CADM2: variants seen among roughly 807,000 people sequenced by gnomAD.
The protein encoded by CADM2 is immunoglobulin superfamily member 4D.
CADM2 carries 12 observed loss-of-function variants against 49.8 expected under a neutral mutation model. The observed-to-expected ratio is 0.24, with a 90% confidence interval of 0.15 to 0.39. The LOEUF (loss-of-function observed/expected upper bound fraction) is 0.39, where lower values mean the gene tolerates loss of function less well. Among genes scored for constraint, CADM2 ranks in the 10% least tolerant of loss-of-function variants. The pLI, the probability that CADM2 is intolerant of heterozygous loss-of-function variation, is 1.00. For synonymous variants in CADM2, 214 were observed against 175.4 expected (o/e 1.22, Z -1.74); for missense variants, 378 against 492.3 (o/e 0.77, Z 2.20).
intron 1 of CADM2, among the ~76,000 whole-genome samples, chr3:85,709,107 A>C (rs73845624): frequency 0.15 from 23,254 of 152,008 alleles, 1,944 homozygotes; most frequent in African/African-American, 0.2. Flanking sequence ...TAGGTCCCCA[A>C]ATAACTCAGA....
At chr3:85,549,695 C>G (rs1446298650) in intron 1 of CADM2, among the ~76,000 whole-genome samples, 1 of 152,060 alleles carries the variant, frequency 6.6e-6, no homozygotes, top group Non-Finnish European at 1.5e-5. Context: ...ACTATTTCAG[C>G]TCACTACAAC....
chr3:85,878,320 C>T (rs949028179), intron 3 of CADM2, among the ~76,000 whole-genome samples: 4 of 151,996 alleles, frequency 2.6e-5, no homozygotes, highest in African/African-American at 7.2e-5. Context: ...ATTTAAGTAA[C>T]TTGCTCAAGT....
chr3:85,352,207 G>T (rs2031418152), intron 1 of CADM2, among the ~76,000 whole-genome samples: 1 of 152,000 alleles, frequency 6.6e-6, no homozygotes, highest in Non-Finnish European at 1.5e-5. Flanking sequence ...CTTTCTGATA[G>T]ATCCAAAGCA....
At chr3:85,843,129 A>T (rs1488102585) in intron 3 of CADM2, among the ~76,000 whole-genome samples, 2 of 152,176 alleles carry the variant, frequency 1.3e-5, no homozygotes. Flanking sequence ...TAGATACACT[A>T]GACACATCTT....
At chr3:85,172,361 C>T (rs545917483) in intron 1 of CADM2, among the ~76,000 whole-genome samples, 5 of 152,108 alleles carry the variant, frequency 3.3e-5, no homozygotes, top group Non-Finnish European at 7.4e-5. Context: ...GAAAGCAATT[C>T]GGGGACACAA....
intron 1 of CADM2, among the ~76,000 whole-genome samples, chr3:84,997,039 T>C (rs988189562): frequency 2.6e-5 from 4 of 152,098 alleles, no homozygotes; most frequent in African/African-American, 9.7e-5. Context: ...CACAGCATGA[T>C]TTGTATGGGA....
chr3:85,776,010 A>G (rs2070342809), intron 2 of CADM2, among the ~76,000 whole-genome samples: 1 of 151,916 alleles, frequency 6.6e-6, no homozygotes, highest in Non-Finnish European at 1.5e-5. Context: ...ACATATCAAT[A>G]TACAAGCCAG....
rs567326771 is a variant in CADM2, at chr3:85,001,899, C to G, written c.61+42231C>G. ...CACTCAGATTTCGAATAATTAAATG[C>G]CTTCAAATATGTGATTAATAGTTGC... On this transcript the variant is annotated intron_variant, in intron 1 of 9. Transcript: ENST00000383699. 2.6e-3 allele frequency among the ~76,000 whole-genome samples: 389 copies of G among 152,130 alleles called. 3 individuals are homozygous for G. The highest frequency in any genetic ancestry group is 9.2e-3 in the African/African-American group (380 of 41,524).
At chr3:85,010,833 A>T (rs1198117974) in intron 1 of CADM2, among the ~76,000 whole-genome samples, 1 of 138,186 alleles carries the variant, frequency 7.2e-6, no homozygotes, top group Non-Finnish European at 1.5e-5. Flanking sequence ...TAATTTTCCC[A>T]AATCACTCTG....
At chr3:84,993,792 T>C (rs1226505334) in intron 1 of CADM2, among the ~76,000 whole-genome samples, 1 of 152,132 alleles carries the variant, frequency 6.6e-6, no homozygotes, top group African/African-American at 2.4e-5. Flanking sequence ...ATGACCTTTT[T>C]TCCTACTATT....
intron 1 of CADM2, among the ~76,000 whole-genome samples, chr3:85,071,976 A>G (rs915479162): frequency 6.6e-6 from 1 of 150,378 alleles, no homozygotes; most frequent in Non-Finnish European, 1.5e-5. Flanking sequence ...TATAATACAA[A>G]TATATATATA....
chr3:86,038,169 G>T (rs1192987468), intron 8 of CADM2, among the ~76,000 whole-genome samples: 2 of 152,092 alleles, frequency 1.3e-5, no homozygotes, highest in Non-Finnish European at 2.9e-5. Context: ...AAAAAAGTTA[G>T]TTTTAGAAAA....
At chr3:85,954,110 C>A (rs950850802) in intron 7 of CADM2, among the ~76,000 whole-genome samples, 2 of 150,716 alleles carry the variant, frequency 1.3e-5, no homozygotes, top group East Asian at 2.0e-4. Context: ...AGAATTGCTG[C>A]CATAAAAGTA....
chr3:85,801,373 C>T (rs951641965), intron 2 of CADM2, among the ~76,000 whole-genome samples: 27 of 151,904 alleles, frequency 1.8e-4, no homozygotes, highest in Admixed American at 6.6e-4. Context: ...TGGAGAAAAT[C>T]GAGAAACTAC....
At position 85,161,910 on chromosome 3, in the gene CADM2, G is replaced by A. The variant is rs554627317; in HGVS notation, c.61+202242G>A. On this transcript the variant is annotated intron_variant, in intron 1 of 9. Transcript: ENST00000383699. Reference sequence around the variant, plus strand: ...CAGTCGCCTATAATCCCACCTACTCGGGAGGCTGAGGCAGCAGAATCCAGG... The same window carrying A: ...CAGTCGCCTATAATCCCACCTACTCAGGAGGCTGAGGCAGCAGAATCCAGG... Among the ~76,000 whole-genome samples, 428 of 152,128 alleles carry A rather than the reference G, an allele frequency of 2.8e-3. 2 individuals are homozygous for A. The highest frequency in any genetic ancestry group is 9.9e-3 in the African/African-American group (410 of 41,508).
At chr3:85,507,811 T>C (rs984876386) in intron 1 of CADM2, among the ~76,000 whole-genome samples, 4 of 152,200 alleles carry the variant, frequency 2.6e-5, no homozygotes, top group Non-Finnish European at 4.4e-5. Flanking sequence ...AGCATATCTG[T>C]TTCTGGGGGA....
intron 4 of CADM2, among the ~76,000 whole-genome samples, chr3:85,885,680 CA>C (rs1230774557): frequency 0.061 from 5,241 of 86,542 alleles, 289 homozygotes; most frequent in African/African-American, 0.19. Context: ...GACTCTATCT[CA>C]AAAAAAAAAA....
chr3:85,734,526 TACAC>T (rs1021786908), intron 2 of CADM2, among the ~76,000 whole-genome samples: 1 of 141,296 alleles, frequency 7.1e-6, no homozygotes, highest in Non-Finnish European at 1.6e-5. Flanking sequence ...CATACACACA[TACAC>T]ACACATACAT....
At chr3:85,031,574 G>A (rs1038960481) in intron 1 of CADM2, among the ~76,000 whole-genome samples, 20 of 152,144 alleles carry the variant, frequency 1.3e-4, no homozygotes, top group Non-Finnish European at 2.6e-4. Flanking sequence ...GAGTGCAGTG[G>A]CGCGATCTCG....
Sources: allele counts gnomAD v4.1 joint callset (sites outside exome capture counted in the v4.1 genomes callset), GRCh38; gene constraint gnomAD v4.1.1; transcripts MANE v1.5; gene names NCBI Gene and HGNC (gene_info 2026-07-23, HGNC 2026-07-21).